The following SFTPD variants were observed in gnomAD, a reference collection of about 807,000 sequenced individuals.
The protein encoded by SFTPD is surfactant protein D.
Under a neutral mutation model 34.6 loss-of-function variants are expected in SFTPD, and 18 were observed. That is an observed-to-expected ratio of 0.52 (90% confidence interval 0.36 to 0.77). SFTPD has a LOEUF of 0.77. Ranked by LOEUF, SFTPD falls within the 30% of genes least tolerant of loss-of-function variation. The probability of loss-of-function intolerance (pLI) is 0.00; values close to 1 mark genes in which losing one functional copy is unlikely to be tolerated. For synonymous variants in SFTPD, 155 were observed against 180.9 expected, an observed-to-expected ratio of 0.86 and a Z score of 1.15; for missense variants, 433 against 468.9, an observed-to-expected ratio of 0.92 and a Z score of 0.71.
chr10:79,957,739 C>G (rs1289753249), intron 1 of SFTPD, among the ~76,000 whole-genome samples: 3 of 152,152 alleles, frequency 2.0e-5, no homozygotes, highest in Non-Finnish European at 4.4e-5. Flanking sequence ...GGATATTATC[C>G]AGGAGAACTT....
At chr10:79,980,687 G>A (rs993988095) in intron 1 of SFTPD, among the ~76,000 whole-genome samples, 1 of 152,252 alleles carries the variant, frequency 6.6e-6, no homozygotes, top group African/African-American at 2.4e-5. Flanking sequence ...GTAATCCAGG[G>A]ACTTCTCTCA....
At chr10:79,980,192 A>G (rs1329435020) in intron 1 of SFTPD, among the ~76,000 whole-genome samples, 1 of 152,140 alleles carries the variant, frequency 6.6e-6, no homozygotes, top group African/African-American at 2.4e-5. Flanking sequence ...AACCCAGCAC[A>G]TTCCCAGCTC....
At chr10:79,972,054 C>T (rs1842837603) in intron 1 of SFTPD, 2 of 152,228 alleles carry the variant, frequency 1.3e-5, no homozygotes. Flanking sequence ...CTCACCAGGG[C>T]ATCATCTTTA....
In SFTPD at chr10:79,941,487, C is replaced by T; in HGVS notation, c.578G>A (p.Gly193Glu). 6.2e-7 allele frequency: 1 copy of T among 1,611,128 alleles called. No homozygotes were observed. Among genetic ancestry groups the T allele is most frequent in the Non-Finnish European group, 8.5e-7 (1 of 1,178,622 alleles). ...AGSAGAMGPQGSPGARGPPGL... is the reference protein window; with the variant it reads ...AGSAGAMGPQESPGARGPPGL... The stretch of plus-strand genomic sequence containing the variant: ...CGGGGGTCCCCTGGCACCTGGACTT[C>T]CCTGGGGACCCATGGCTCCAGCAGA... Residue 193 changes from glycine to glutamate, a missense_variant, in exon 6 of 8, where the codon GGA becomes GAA. Coordinates refer to ENST00000372292, the MANE Select transcript of SFTPD (RefSeq NM_003019.5).
chr10:79,942,165 G>C, intron 4 of SFTPD, 95 bp from the exon 5 acceptor site: 1 of 902,714 alleles, frequency 1.1e-6, no homozygotes. Context: ...CAACTTTAGG[G>C]TCAGAGAGAG....
chr10:79,980,791 T>G (rs1158287609), intron 1 of SFTPD, among the ~76,000 whole-genome samples: 4 of 152,242 alleles, frequency 2.6e-5, no homozygotes, highest in African/African-American at 7.2e-5. Context: ...TGTATTTGGC[T>G]GCAGTGACCA....
chr10:79,938,250 G>A (rs749738327), intron 7 of SFTPD, 22 bp from the exon 8 acceptor site: 4 of 1,568,668 alleles, frequency 2.5e-6, no homozygotes, highest in South Asian at 1.2e-5. Context: ...AGAAAGTCAG[G>A]TTGGGGTTGT....
At chr10:79,972,967 A>C (rs1245971149) in intron 1 of SFTPD, 1 of 152,190 alleles carries the variant, frequency 6.6e-6, no homozygotes, top group Non-Finnish European at 1.5e-5. Context: ...TTCACTCTCC[A>C]TCTCTCAAGG....
chr10:79,982,316 C>G, intron 1 of SFTPD: 1 of 958,510 alleles, frequency 1.0e-6, no homozygotes, highest in Non-Finnish European at 1.3e-6. Context: ...CAGTGGGCAC[C>G]AGCCCAGCGC....
At chr10:79,942,123 G>T in intron 4 of SFTPD, 53 bp from the exon 5 acceptor site, 1 of 1,360,926 alleles carries the variant, frequency 7.3e-7, no homozygotes, top group Non-Finnish European at 1.0e-6. Context: ...TTCAGCAGGT[G>T]TGGTTTTGTT....
chr10:79,961,747 G>C (rs985226836), intron 1 of SFTPD, among the ~76,000 whole-genome samples: 3 of 152,072 alleles, frequency 2.0e-5, no homozygotes, highest in African/African-American at 7.2e-5. Flanking sequence ...GATTCCTCAG[G>C]GATCTAGAAC....
chr10:79,961,401 A>G (rs1842771838), intron 1 of SFTPD, among the ~76,000 whole-genome samples: 1 of 152,158 alleles, frequency 6.6e-6, no homozygotes, highest in Non-Finnish European at 1.5e-5. Context: ...TACTCATCTG[A>G]TAAAGGGCTA....
Position 79,941,319 on chromosome 10 carries a change from C to G in SFTPD, c.667+79G>C. 5.7e-6 allele frequency: 7 copies of G among 1,234,294 alleles called. 1 individual carries two copies. The South Asian group carries it at 8.6e-5, about 15-fold the overall frequency. The allele number at this position is 1,234,294 out of a possible 1,614,324, so 76.5% of individuals were successfully genotyped here. Reference sequence around the variant, plus strand: ...ATGGGGCACACATCCCAGAGCCCCTCCTCTGGGATGAGGAGGGCTTCCTCT... The same window carrying G: ...ATGGGGCACACATCCCAGAGCCCCTGCTCTGGGATGAGGAGGGCTTCCTCT... On this transcript the variant is annotated intron_variant, in intron 6 of 7. Transcript: ENST00000372292.
At chr10:79,971,865 C>T (rs1193406537) in intron 1 of SFTPD, 2 of 152,024 alleles carry the variant, frequency 1.3e-5, no homozygotes, top group Admixed American at 6.6e-5. Flanking sequence ...CTTCATGTAC[C>T]TGGATGTCTA....
intron 5 of SFTPD, 144 bp downstream of exon 5, chr10:79,941,810 A>T: frequency 1.4e-6 from 1 of 697,780 alleles, no homozygotes; most frequent in South Asian, 1.7e-5. Flanking sequence ...CCCCTCATGC[A>T]CCCTTCTTGG....
At chr10:79,958,784 C>T (rs1842755017) in intron 1 of SFTPD, among the ~76,000 whole-genome samples, 3 of 152,150 alleles carry the variant, frequency 2.0e-5, no homozygotes. Flanking sequence ...CAGCTCTGCA[C>T]CAAGCAGACC....
In SFTPD at chr10:79,942,861, C is replaced by T; in HGVS notation, c.218G>A (p.Gly73Glu). Residue 73 changes from glycine to glutamate, a missense_variant, in exon 3 of 8, where the codon GGG (glycine) becomes GAG (glutamate). Transcript: ENST00000372292. ...AGCTTGTCCAGGCATCCCTGCTTGCCCTGCAGCTCCTGGCAAACCTGTAGC... is the reference window on the plus strand; with the variant it reads ...AGCTTGTCCAGGCATCCCTGCTTGCTCTGCAGCTCCTGGCAAACCTGTAGC... The part of the protein sequence containing the change: ...KGDPGLPGAA[G>E]QAGMPGQAGP... 1 of 1,613,418 alleles carries T rather than the reference C, an allele frequency of 6.2e-7. No homozygotes were observed. The highest frequency in any genetic ancestry group is 2.2e-5 in the East Asian group (1 of 44,872).
At chr10:79,963,520 A>G (rs1691343404) in intron 1 of SFTPD, among the ~76,000 whole-genome samples, 1 of 152,076 alleles carries the variant, frequency 6.6e-6, no homozygotes, top group African/African-American at 2.4e-5. Context: ...TTGCTTTTTC[A>G]TTTTTGTGAA....
intron 1 of SFTPD, 29 bp from the exon 2 acceptor site, chr10:79,946,691 C>T (rs761911377): frequency 6.3e-7 from 1 of 1,591,766 alleles, no homozygotes; most frequent in East Asian, 2.2e-5. Flanking sequence ...AGAGAAAAGA[C>T]ATGCTTATGC....
Sources: allele counts gnomAD v4.1 joint callset (sites outside exome capture counted in the v4.1 genomes callset), GRCh38; gene constraint gnomAD v4.1.1; transcripts MANE v1.5; gene names NCBI Gene and HGNC (gene_info 2026-07-23, HGNC 2026-07-21).